The following FSHR variants were observed in gnomAD, a reference collection of about 807,000 sequenced individuals.
The protein encoded by FSHR is follicle-stimulating hormone receptor.
Under a neutral mutation model 52.1 loss-of-function variants are expected in FSHR, and 46 were observed. The ratio of observed to expected loss-of-function variants is 0.88; its 90% CI spans 0.70 to 1.13. The LOEUF (loss-of-function observed/expected upper bound fraction) is 1.13. FSHR is among the 50% of genes most tolerant of loss of function. FSHR has a pLI of 0.00. For missense variants in FSHR, 964 were observed against 834.6 expected (o/e 1.16, Z -1.91); for synonymous variants, 399 against 309.6 (o/e 1.29, Z -3.03).
intron 1 of FSHR, among the ~76,000 whole-genome samples, chr2:49,147,724 A>C (rs1042831638): frequency 1.3e-5 from 2 of 150,818 alleles, no homozygotes; most frequent in African/African-American, 4.9e-5. Flanking sequence ...CTGTTCCTTT[A>C]GTCATTTTTT....
intron 1 of FSHR, among the ~76,000 whole-genome samples, chr2:49,127,803 T>TTCTTCC: frequency 1.7e-5 from 1 of 60,276 alleles, no homozygotes; most frequent in South Asian, 7.5e-4. Context: ...CTTCTTCTTC[T>TTCTTCC]TCTTCTTCTT....
intron 1 of FSHR, among the ~76,000 whole-genome samples, chr2:49,120,478 A>T (rs1671773982): frequency 6.6e-6 from 1 of 152,202 alleles, no homozygotes; most frequent in African/African-American, 2.4e-5. Context: ...ACTTTAAAAT[A>T]AGTCAGGGAA....
Position 48,963,765 on chromosome 2 carries a change from T to C in FSHR, c.1056A>G (p.Ala352=). The change falls in exon 10 of 10, where the codon GCA becomes GCG. Residue 352 remains alanine (A), a synonymous_variant. Coordinates refer to ENST00000406846, the MANE Select transcript of FSHR (RefSeq NM_000145.4). ...VDVTCSPKPD[A]FNPCEDIMGY... ...CCATGATATCTTCACATGGGTTGAA[T>C]GCATCTGGCTTAGGGGAGCAGGTCA... The C allele has an allele frequency of 5.6e-6, 9 of 1,614,160 alleles. No homozygotes were observed. Among genetic ancestry groups the C allele is most frequent in the Non-Finnish European group, 7.6e-6 (9 of 1,180,014 alleles).
At chr2:49,114,885 A>G (rs1017253862) in intron 1 of FSHR, among the ~76,000 whole-genome samples, 1 of 152,054 alleles carries the variant, frequency 6.6e-6, no homozygotes, top group Non-Finnish European at 1.5e-5. Context: ...TCAATGTGGT[A>G]TGAGGAAATG....
rs79721589 is a variant in FSHR, at chr2:49,017,925, G to A, written c.300-362C>T. Among the ~76,000 whole-genome samples the A allele has an allele frequency of 3.0e-3, 452 of 152,188 alleles. 5 individuals are homozygous for A. The highest frequency in any genetic ancestry group is 0.011 in the African/African-American group (443 of 41,528). ...AGGGTTGGAGGAGGCTAAGAGGTTAGGAATGAGACTAATATGGCGAAATGA... is the reference window on the plus strand; with the variant it reads ...AGGGTTGGAGGAGGCTAAGAGGTTAAGAATGAGACTAATATGGCGAAATGA... On this transcript the variant is annotated intron_variant, in intron 3 of 9. Transcript: ENST00000406846.
At chr2:49,081,863 C>T (rs35697787) in intron 1 of FSHR, among the ~76,000 whole-genome samples, 64,134 of 151,974 alleles carry the variant, frequency 0.42, 13,961 homozygotes, top group East Asian at 0.54. Context: ...TAAAGGAGAA[C>T]GGTTTAAAAG....
chr2:49,034,192 T>G (rs1451726026), intron 2 of FSHR, among the ~76,000 whole-genome samples: 2 of 152,222 alleles, frequency 1.3e-5, no homozygotes, highest in East Asian at 3.9e-4. Context: ...CCTCTCCCCT[T>G]CCCCAGTTAT....
At chr2:49,123,229 G>A (rs1017753346) in intron 1 of FSHR, among the ~76,000 whole-genome samples, 2 of 152,172 alleles carry the variant, frequency 1.3e-5, no homozygotes, top group Non-Finnish European at 2.9e-5. Context: ...AGCCAGGCGC[G>A]GTGGTTCACA....
At chr2:49,135,947 G>T (rs1362156780) in intron 1 of FSHR, among the ~76,000 whole-genome samples, 2 of 152,034 alleles carry the variant, frequency 1.3e-5, no homozygotes, top group Non-Finnish European at 1.5e-5. Flanking sequence ...ACAAGGGGTT[G>T]TCTTGGGGGG....
At chr2:49,003,263 C>T (rs1283596135) in intron 4 of FSHR, among the ~76,000 whole-genome samples, 1 of 152,184 alleles carries the variant, frequency 6.6e-6, no homozygotes, top group Non-Finnish European at 1.5e-5. Context: ...CAAAAAGGTT[C>T]CAACCACTCC....
chr2:49,042,142 T>C (rs961963292), intron 2 of FSHR, among the ~76,000 whole-genome samples: 1 of 152,142 alleles, frequency 6.6e-6, no homozygotes, highest in Non-Finnish European at 1.5e-5. Flanking sequence ...TTTAGAAATA[T>C]TTCTAGGGGC....
intron 2 of FSHR, among the ~76,000 whole-genome samples, chr2:49,043,712 G>A (rs1436172971): frequency 6.6e-6 from 1 of 152,204 alleles, no homozygotes; most frequent in African/African-American, 2.4e-5. Flanking sequence ...GCATGAAGCA[G>A]CTTCTTTTCT....
At chr2:49,127,228 T>C (rs1465644062) in intron 1 of FSHR, among the ~76,000 whole-genome samples, 1 of 151,542 alleles carries the variant, frequency 6.6e-6, no homozygotes, top group Admixed American at 6.6e-5. Context: ...CTTGGGAGGC[T>C]GAGGCAGGAG....
intron 8 of FSHR, among the ~76,000 whole-genome samples, chr2:48,970,427 C>T (rs1674691735): frequency 6.6e-6 from 1 of 152,198 alleles, no homozygotes; most frequent in African/African-American, 2.4e-5. Context: ...AATGCTCCTT[C>T]TTTTTGAGAT....
chr2:49,034,066 G>T (rs540801424), intron 2 of FSHR, among the ~76,000 whole-genome samples: 48 of 152,294 alleles, frequency 3.2e-4, no homozygotes, highest in African/African-American at 1.2e-3. Context: ...TAAACACAAA[G>T]CCAGCTATCA....
intron 2 of FSHR, among the ~76,000 whole-genome samples, chr2:49,062,441 G>T (rs575416689): frequency 7.9e-5 from 12 of 152,110 alleles, no homozygotes; most frequent in African/African-American, 2.9e-4. Context: ...TAAAATGTAA[G>T]ATCTGAAACT....
chr2:48,976,409 C>T lies in FSHR; in HGVS notation c.668+6503G>A, dbSNP rs563450202. Among the ~76,000 whole-genome samples the T allele has an allele frequency of 3.2e-3, 485 of 152,184 alleles. 6 individuals are homozygous for T. Among genetic ancestry groups the T allele is most frequent in the African/African-American group, 0.011 (462 of 41,512 alleles). On this transcript the variant is annotated intron_variant, in intron 8 of 9. Coordinates refer to ENST00000406846, the MANE Select transcript of FSHR (RefSeq NM_000145.4). ...TTGTCAGTATTTCATTGAGGATTTTCGCATCGATGTTCATCAGGGATATTG... is the reference window on the plus strand; with the variant it reads ...TTGTCAGTATTTCATTGAGGATTTTTGCATCGATGTTCATCAGGGATATTG...
intron 1 of FSHR, among the ~76,000 whole-genome samples, chr2:49,089,039 G>A (rs1042923111): frequency 6.6e-6 from 1 of 151,404 alleles, no homozygotes; most frequent in Admixed American, 6.6e-5. Flanking sequence ...TAGATTCAGA[G>A]AAAAGTGAAG....
chr2:49,140,432 C>T (rs1430569158), intron 1 of FSHR, among the ~76,000 whole-genome samples: 1 of 152,186 alleles, frequency 6.6e-6, no homozygotes, highest in Non-Finnish European at 1.5e-5. Flanking sequence ...GTGATATCAG[C>T]TCTATGCTTT....
Sources: allele counts gnomAD v4.1 joint callset (sites outside exome capture counted in the v4.1 genomes callset), GRCh38; gene constraint gnomAD v4.1.1; transcripts MANE v1.5; gene names NCBI Gene and HGNC (gene_info 2026-07-23, HGNC 2026-07-21).